The following TRPM3 variants were observed in gnomAD, a reference collection of about 807,000 sequenced individuals.
The protein encoded by TRPM3 is transient receptor potential cation channel subfamily M member 3, also known as long transient receptor potential channel 3.
TRPM3 carries 77 observed loss-of-function variants against 181.2 expected under a neutral mutation model. The observed-to-expected ratio is 0.42, with a 90% CI of 0.35 to 0.51. TRPM3 has a LOEUF of 0.51. Among genes scored for constraint, TRPM3 ranks in the 20% least tolerant of loss-of-function variants. The probability of loss-of-function intolerance (pLI) is 0.01; values close to 1 mark genes in which losing one functional copy is unlikely to be tolerated. For synonymous variants in TRPM3, 745 were observed against 796.4 expected (o/e 0.94, Z 1.09); for missense variants, 1,759 against 2,196.7 (o/e 0.80, Z 3.98).
chr9:70,579,789 C>G (rs144854135), intron 22 of TRPM3, among the ~76,000 whole-genome samples: 6 of 152,316 alleles, frequency 3.9e-5, no homozygotes, highest in South Asian at 2.1e-4. Flanking sequence ...CTGCCAGGAC[C>G]CTTGACAAAA....
Position 71,316,279 on chromosome 9 carries a change from C to T in TRPM3, c.183+130374G>A, listed in dbSNP as rs527553672. ...CTTGAAGACCATACCAACAGACACGCTCTAAAACATGTCCATTAATTCAAT... is the reference window on the plus strand; with the variant it reads ...CTTGAAGACCATACCAACAGACACGTTCTAAAACATGTCCATTAATTCAAT... On this transcript the variant is annotated intron_variant, in intron 1 of 24. Coordinates refer to the TRPM3 transcript ENST00000357533. 7.9e-5 allele frequency among the ~76,000 whole-genome samples: 12 copies of T among 152,286 alleles called. No individual in the cohort carries two copies. In the East Asian group the frequency reaches 2.3e-3, roughly 29 times the overall value.
At chr9:71,048,585 C>T (rs2059722494) in intron 1 of TRPM3, among the ~76,000 whole-genome samples, 1 of 152,214 alleles carries the variant, frequency 6.6e-6, no homozygotes, top group Non-Finnish European at 1.5e-5. Flanking sequence ...TCTGTTCCCT[C>T]TCTAGGCACT....
chr9:71,439,181 G>A (rs2131657741), intron 1 of TRPM3, among the ~76,000 whole-genome samples: 1 of 152,184 alleles, frequency 6.6e-6, no homozygotes, highest in East Asian at 1.9e-4. Flanking sequence ...ATTTTCTAAA[G>A]CATTTTCAAA....
At chr9:71,293,196 TC>T (rs1422935576) in intron 1 of TRPM3, among the ~76,000 whole-genome samples, 3 of 152,010 alleles carry the variant, frequency 2.0e-5, no homozygotes, top group African/African-American at 7.2e-5. Flanking sequence ...AATTATCTTT[TC>T]AATAATGAAA....
At chr9:70,799,754 A>G (rs2088352792) in intron 6 of TRPM3, among the ~76,000 whole-genome samples, 1 of 152,212 alleles carries the variant, frequency 6.6e-6, no homozygotes, top group African/African-American at 2.4e-5. Context: ...CTTGGTAAAA[A>G]ATGTCTGCTA....
At chr9:70,640,151 G>A (rs1292806159) in intron 10 of TRPM3, among the ~76,000 whole-genome samples, 1 of 152,188 alleles carries the variant, frequency 6.6e-6, no homozygotes, top group Non-Finnish European at 1.5e-5. Flanking sequence ...GCAGAGGGAA[G>A]CCTGCTAATT....
At chr9:71,096,590 ACTCTCTCT>A (rs71367255) in intron 1 of TRPM3, among the ~76,000 whole-genome samples, 42 of 90,044 alleles carry the variant, frequency 4.7e-4, no homozygotes, top group South Asian at 9.8e-4. Context: ...ACACACACAC[ACTCTCTCT>A]CTCTCTCTCT....
rs2041350254 is a variant in TRPM3 at position 70,534,598 on chromosome 9, T to C, written c.*1355A>G. 2 of 152,360 alleles carry C rather than the reference T, an allele frequency of 1.3e-5. No homozygotes were observed. Among genetic ancestry groups the C allele is most frequent in the South Asian group, 4.1e-4 (2 of 4,826 alleles). 9.4% of individuals were successfully genotyped at this position (152,360 alleles called of 1,614,324 possible). A position where few individuals can be genotyped will look rare whatever the true frequency, so the allele number is the denominator to read the frequency against. On this transcript the variant is annotated 3_prime_UTR_variant, in exon 26 of 26. Coordinates refer to ENST00000677713, the MANE Select transcript of TRPM3 (RefSeq NM_001366145.2). ...GGTTTATTTGCTTTCTATTTTGGTC[T>C]ACTGTATCTTTTTTTATAGCTCTGT...
At chr9:71,123,908 C>A (rs1022796869), upstream of TRPM3, among the ~76,000 whole-genome samples, 1 of 152,100 alleles carries the variant, frequency 6.6e-6, no homozygotes, top group Non-Finnish European at 1.5e-5. Flanking sequence ...ATGCTAAGGA[C>A]CCCACAAAAA....
intron 9 of TRPM3, among the ~76,000 whole-genome samples, chr9:70,677,826 C>T (rs983702093): frequency 1.3e-5 from 2 of 152,008 alleles, no homozygotes; most frequent in African/African-American, 4.8e-5. Context: ...GAAAAGGGAT[C>T]GCCCCCTTTC....
At chr9:70,811,218 A>T in intron 6 of TRPM3, 1 of 1,612,342 alleles carries the variant, frequency 6.2e-7, no homozygotes, top group South Asian at 1.1e-5. Flanking sequence ...AACAAGCGGG[A>T]GTCAAGAGAG....
chr9:71,418,173 A>G (rs2093666481), intron 1 of TRPM3, among the ~76,000 whole-genome samples: 1 of 151,954 alleles, frequency 6.6e-6, no homozygotes, highest in South Asian at 2.1e-4. Context: ...TCCAAGTACC[A>G]ACTTCCACCA....
chr9:70,608,490 G>C (rs1645291730), intron 19 of TRPM3, among the ~76,000 whole-genome samples: 1 of 152,108 alleles, frequency 6.6e-6, no homozygotes, highest in Non-Finnish European at 1.5e-5. Flanking sequence ...CTAACAGTTG[G>C]GGAATCATAA....
intron 3 of TRPM3, among the ~76,000 whole-genome samples, chr9:70,852,267 C>G (rs2132188964): frequency 6.6e-6 from 1 of 151,868 alleles, no homozygotes; most frequent in Middle Eastern, 3.4e-3. Context: ...CTTGTACCTT[C>G]TCACATACTC....
intron 1 of TRPM3, among the ~76,000 whole-genome samples, chr9:70,870,232 G>A (rs1311834193): frequency 1.3e-5 from 2 of 152,004 alleles, no homozygotes; most frequent in Non-Finnish European, 2.9e-5. Context: ...TCGGTCCTGA[G>A]CCATCTTTTT....
chr9:70,890,092 T>C (rs2096173667), intron 1 of TRPM3, among the ~76,000 whole-genome samples: 1 of 148,506 alleles, frequency 6.7e-6, no homozygotes, highest in Non-Finnish European at 1.5e-5. Context: ...CTATATAGTA[T>C]ATATATAGTC....
chr9:71,008,560 T>C (rs1000901988), intron 1 of TRPM3, among the ~76,000 whole-genome samples: 1 of 152,112 alleles, frequency 6.6e-6, no homozygotes, highest in African/African-American at 2.4e-5. Context: ...AGATCATTCA[T>C]GGCCAGGCGT....
chr9:71,096,779 T>C lies in TRPM3; in HGVS notation c.177+24399A>G, dbSNP rs556418439. On this transcript the variant is annotated intron_variant, in intron 1 of 25. Coordinates refer to ENST00000677713, the MANE Select transcript of TRPM3 (RefSeq NM_001366145.2). ...ATTAACTTCCACATCCACTTAACAG[T>C]GGTGGTCAAGTAAATTTATGTTTCT... Among the ~76,000 whole-genome samples, 34 of 152,024 alleles carry C rather than the reference T, an allele frequency of 2.2e-4. No homozygotes were observed. The South Asian group carries it at 6.2e-3, about 28-fold the overall frequency.
At chr9:71,446,879 C>G (rs2094210937), upstream of TRPM3, 1 of 1,476,220 alleles carries the variant, frequency 6.8e-7, no homozygotes, top group Non-Finnish European at 9.1e-7. Context: ...CAGCGCCGAG[C>G]GCTCTCGCTG....
Sources: allele counts gnomAD v4.1 joint callset (sites outside exome capture counted in the v4.1 genomes callset), GRCh38; gene constraint gnomAD v4.1.1; transcripts MANE v1.5; gene names NCBI Gene and HGNC (gene_info 2026-07-23, HGNC 2026-07-21).